Variants in ACE observed in about 807,000 individuals in gnomAD.
ACE encodes the protein angiotensin-converting enzyme.
A neutral mutation model predicts 162.3 loss-of-function variants in ACE; 122 were observed. That is an observed-to-expected ratio of 0.75 (90% CI 0.65 to 0.87). The LOEUF is 0.87. Among genes scored for constraint, ACE ranks in the 40% least tolerant of loss-of-function variants. The pLI is 0.00. For synonymous variants in ACE, 796 were observed against 720.6 expected, an observed-to-expected ratio of 1.10 and a Z score of -1.68; for missense variants, 1,799 against 1,735.1, an observed-to-expected ratio of 1.04 and a Z score of -0.65.
rs2029862330 is a variant in ACE at position 63,484,309 on chromosome 17, G to C, written c.1710-21G>C. ...TCCAGCCTGAGTCCCCTGTGCCCATGGTACCCACTCTGCCCACCAGGAAGG... is the reference window on the plus strand; with the variant it reads ...TCCAGCCTGAGTCCCCTGTGCCCATCGTACCCACTCTGCCCACCAGGAAGG... On this transcript the variant is annotated intron_variant, in intron 11 of 24. Transcript: ENST00000290866. The surrounding 1 kb of genome is among the most constrained non-coding windows in gnomAD (Gnocchi z 4.0). 5 of 1,604,580 alleles carry C rather than the reference G, an allele frequency of 3.1e-6. 1 individual carries two copies. In the South Asian group the frequency reaches 5.6e-5, roughly 18 times the overall value.
At chr17:63,478,553 C>CT (rs1185070966) in intron 2 of ACE, 1 of 316,002 alleles carries the variant, frequency 3.2e-6, no homozygotes, top group Non-Finnish European at 6.2e-6. Context: ...GTCCCAGCTA[C>CT]TCTTGAAACT....
rs2030861031 is a variant in ACE, at chr17:63,497,731, G to A, written c.*365G>A. ...AGGTTTGTTCCTCCATCCTCCTTCA[G>A]GAGCCGGGGAGGATCCCCAGAGCTC... On this transcript the variant is annotated 3_prime_UTR_variant, in exon 25 of 25. Coordinates refer to ENST00000290866, the MANE Select transcript of ACE (RefSeq NM_000789.4). 2 of 440,442 alleles carry A rather than the reference G, an allele frequency of 4.5e-6. No homozygotes were observed. The highest frequency in any genetic ancestry group is 2.0e-5 in the African/African-American group (1 of 50,046). 27.3% of individuals were successfully genotyped at this position (440,442 alleles called of 1,614,324 possible).
intron 23 of ACE, 44 bp downstream of exon 23, chr17:63,496,560 C>A: frequency 6.2e-7 from 1 of 1,613,014 alleles, no homozygotes; most frequent in Middle Eastern, 1.8e-4. Flanking sequence ...CTCTGGCCTG[C>A]GCCCCTGGGC....
At position 63,477,277 on chromosome 17, in the gene ACE, G is replaced by A; in HGVS notation, c.183G>A (p.Leu61=). 3 of 1,464,380 alleles carry A rather than the reference G, an allele frequency of 2.0e-6. No homozygotes were observed. The highest frequency in any genetic ancestry group is 2.2e-5 in the Admixed American group (1 of 45,880). The allele number at this position is 1,464,380 out of a possible 1,614,324, so 90.7% of individuals were successfully genotyped here. ...QSYNSSAEQV[L]FQSVAASWAH... is the part of the protein sequence containing the mutation. ...ACAACTCCAGCGCCGAACAGGTGCT[G>A]TTCCAGAGCGTGGCCGCCAGCTGGG... Residue 61 remains leucine (L), a synonymous_variant, in exon 1 of 25, where the codon CTG becomes CTA. Transcript: ENST00000290866.
rs776455909 is a variant in ACE, at chr17:63,491,265, G to T, written c.2796G>T (p.Gly932=). 3 of 1,614,196 alleles carry T rather than the reference G, an allele frequency of 1.9e-6. No homozygotes were observed. In the Admixed American group the frequency reaches 5.0e-5, roughly 27 times the overall value. The change falls in exon 19 of 25, where the codon GGG becomes GGT. Residue 932 remains glycine, a synonymous_variant. Coordinates refer to ENST00000290866, the MANE Select transcript of ACE (RefSeq NM_000789.4). This position sits in a 1 kb window ranked among gnomAD's most constrained non-coding sequence, Gnocchi z 4.4. ...CTGATGATTTCTTCACCTCCCTGGG[G>T]CTGCTGCCCGTGCCTCCTGAGTTCT... ...KEADDFFTSL[G]LLPVPPEFWN... is the part of the protein sequence containing the mutation.
At chr17:63,479,691 T>C in intron 3 of ACE, 78 bp from the exon 4 acceptor site, 2 of 1,581,120 alleles carry the variant, frequency 1.3e-6, no homozygotes, top group Non-Finnish European at 1.7e-6. Context: ...CAGTAAGGAC[T>C]GGTGCAGGCT....
intron 21 of ACE, 126 bp from the exon 22 acceptor site, chr17:63,494,246 C>T: frequency 7.9e-7 from 1 of 1,261,942 alleles, no homozygotes; most frequent in Admixed American, 2.0e-5. Context: ...CACAGAGGCC[C>T]AGCACGCAGG....
At chr17:63,481,003 G>C in intron 5 of ACE, 88 bp from the exon 6 acceptor site, 2 of 1,319,152 alleles carry the variant, frequency 1.5e-6, no homozygotes, top group Non-Finnish European at 1.1e-6. Flanking sequence ...GGGTACAGGT[G>C]CCGGCCCCAG....
At position 63,482,687 on chromosome 17, in the gene ACE, CG is replaced by C; in HGVS notation, c.1342+1del. 6.2e-7 allele frequency: 1 copy of C among 1,613,612 alleles called. No individual in the cohort carries two copies. Among genetic ancestry groups the C allele is most frequent in the South Asian group, 1.1e-5 (1 of 91,072 alleles). The part of the protein sequence containing the change: ...IGLLDRVTND[T>X]ESDINYLLKM... ...CTGCTGGACCGTGTCACCAATGACACGGGTATGGGAGGGCTGAGAGGCCCCC... is the reference window on the plus strand; with the variant it reads ...CTGCTGGACCGTGTCACCAATGACACGGTATGGGAGGGCTGAGAGGCCCCC... On this transcript the variant is annotated frameshift_variant and splice_region_variant, in exon 8 of 25. Transcript: ENST00000290866. LOFTEE classifies it high-confidence loss of function.
intron 20 of ACE, 86 bp from the exon 21 acceptor site, chr17:63,493,836 C>T (rs2030549436): frequency 3.8e-6 from 6 of 1,596,618 alleles, no homozygotes; most frequent in South Asian, 1.1e-5. Flanking sequence ...AAAGGTACAG[C>T]ACCCCCACCC....
At chr17:63,477,877 G>C in intron 1 of ACE, 54 bp from the exon 2 acceptor site, 1 of 1,564,758 alleles carries the variant, frequency 6.4e-7, no homozygotes, top group Non-Finnish European at 8.7e-7. Context: ...TCTCCTTTAT[G>C]GCCTGCATCT....
intron 7 of ACE, 49 bp downstream of exon 7, chr17:63,481,787 C>T (rs375892332): frequency 9.5e-5 from 153 of 1,612,182 alleles, no homozygotes; most frequent in Middle Eastern, 1.6e-4. Context: ...TTCTGGGGCC[C>T]GGGGAAAGGC....
At chr17:63,478,623 A>G (rs1284900019) in intron 2 of ACE, 2 of 363,988 alleles carry the variant, frequency 5.5e-6, no homozygotes, top group East Asian at 1.4e-4. Context: ...TGATTGCACT[A>G]CTGCACCCCA....
Position 63,497,134 on chromosome 17 carries a change from C to T in ACE, c.3692-3C>T. The T allele has an allele frequency of 1.2e-6, 2 of 1,603,038 alleles. No individual in the cohort carries two copies. Among genetic ancestry groups the T allele is most frequent in the Non-Finnish European group, 1.7e-6 (2 of 1,178,900 alleles). On this transcript the variant is annotated splice_region_variant and splice_polypyrimidine_tract_variant and intron_variant, in intron 24 of 24. Transcript: ENST00000290866. ...CCATGCTGTCTCCTTGCTTCCCGCT[C>T]AGCTCGCTCAGAAGGGCCCCTCCCA...
chr17:63,482,994 C>T, intron 8 of ACE, 35 bp from the exon 9 acceptor site: 1 of 1,606,794 alleles, frequency 6.2e-7, no homozygotes, highest in Non-Finnish European at 8.5e-7. Flanking sequence ...CTCCCTCTGA[C>T]CTCTTCCCTC....
At chr17:63,480,822 A>G (rs2049694832) in intron 5 of ACE, among the ~76,000 whole-genome samples, 1 of 152,222 alleles carries the variant, frequency 6.6e-6, no homozygotes, top group African/African-American at 2.4e-5. Context: ...GCCCAAGGAA[A>G]CAAGCACTGT....
intron 22 of ACE, 88 bp downstream of exon 22, chr17:63,494,558 C>T: frequency 7.9e-7 from 1 of 1,262,192 alleles, no homozygotes; most frequent in South Asian, 1.2e-5. Context: ...TCCACAAGCT[C>T]TGTCAGTCAG....
chr17:63,478,949 G>C lies in ACE; in HGVS notation c.418-58G>C, dbSNP rs930975641. The C allele has an allele frequency of 7.6e-6, 11 of 1,449,190 alleles. No homozygotes were observed. The East Asian group carries it at 2.4e-4, about 31-fold the overall frequency. The allele number at this position is 1,449,190 out of a possible 1,614,324, so 89.8% of individuals were successfully genotyped here. A position where few individuals can be genotyped will look rare whatever the true frequency, so the allele number is the denominator to read the frequency against. On this transcript the variant is annotated intron_variant, in intron 2 of 24. Transcript: ENST00000290866. ...TGGGCTCCTCCTTCTAGCAGCGAGG[G>C]GAGGGCAGATGTCCCAGGGGCTGGT...
Position 63,477,073 on chromosome 17 carries a change from G to GCCGAGCA in ACE, c.-18_-12dup, listed in dbSNP as rs1568034701. The GCCGAGCA allele has an allele frequency of 4.6e-6, 6 of 1,296,044 alleles. No homozygotes were observed. The South Asian group carries it at 9.5e-5, about 20-fold the overall frequency. The allele number at this position is 1,296,044 out of a possible 1,614,324, so 80.3% of individuals were successfully genotyped here. On this transcript the variant is annotated 5_prime_UTR_variant, in exon 1 of 25. Transcript: ENST00000290866. Reference sequence around the variant, plus strand: ...GCCGCGGCGCAGGAGAAGGGGCAGAGCCGAGCACCGCGCACCGCGTCATGG... The same window carrying GCCGAGCA: ...GCCGCGGCGCAGGAGAAGGGGCAGAGCCGAGCACCGAGCACCGCGCACCGCGTCATGG...
Sources: gnomAD v4.1 joint callset for allele counts (sites outside exome capture counted in the v4.1 genomes callset) on GRCh38, gnomAD v4.1.1 for gene constraint, Gnocchi (gnomAD v3.1) non-coding constraint, MANE v1.5 for transcripts, NCBI Gene and HGNC (gene_info 2026-07-23, HGNC 2026-07-21) for gene names.